ARHGEF3: variants seen among roughly 807,000 people sequenced by gnomAD.
The protein encoded by ARHGEF3 is Rho guanine nucleotide exchange factor 3.
In ARHGEF3, 28 loss-of-function variants were observed where a neutral mutation model predicts 63.2. The observed-to-expected ratio is 0.44, with a 90% CI of 0.33 to 0.61. The LOEUF is 0.61. Ranked by LOEUF, ARHGEF3 falls within the 20% of genes least tolerant of loss-of-function variation. The probability of loss-of-function intolerance (pLI) is 0.03; values close to 1 mark genes in which losing one functional copy is unlikely to be tolerated. For missense variants in ARHGEF3, 533 were observed against 659.3 expected, an observed-to-expected ratio of 0.81 and a Z score of 2.10; for synonymous variants, 266 against 254.2, an observed-to-expected ratio of 1.05 and a Z score of -0.44.
intron 4 of ARHGEF3, among the ~76,000 whole-genome samples, chr3:56,827,004 A>T (rs1401675566): frequency 6.6e-6 from 1 of 152,182 alleles, no homozygotes; most frequent in Non-Finnish European, 1.5e-5. Context: ...TGTAAATATG[A>T]AAACATAAAA....
intron 2 of ARHGEF3, among the ~76,000 whole-genome samples, chr3:57,012,173 CACAATA>C (rs1290465476): frequency 2.0e-5 from 3 of 152,194 alleles, no homozygotes; most frequent in Non-Finnish European, 2.9e-5. Context: ...ACAATGCAAT[CACAATA>C]ACAATATTAA....
At chr3:56,827,372 G>A (rs2038759868) in intron 4 of ARHGEF3, among the ~76,000 whole-genome samples, 1 of 152,140 alleles carries the variant, frequency 6.6e-6, no homozygotes, top group South Asian at 2.1e-4. Flanking sequence ...AGAGATAGCA[G>A]GGTGTTTATG....
rs1431229067 is a variant in ARHGEF3, at chr3:56,920,869, G to A, written c.129+37954C>T. 4.6e-5 allele frequency among the ~76,000 whole-genome samples: 7 copies of A among 152,064 alleles called. No homozygotes were observed. In the East Asian group the frequency reaches 1.2e-3, roughly 25 times the overall value. On this transcript the variant is annotated intron_variant, in intron 3 of 12. Transcript: ENST00000338458. ...AGATCAAGATCATCCTGGCTAACGT[G>A]GTGAAACCCTGTCTCTACTAAAAAT...
intron 4 of ARHGEF3, among the ~76,000 whole-genome samples, chr3:56,842,490 T>C (rs2039346546): frequency 6.6e-6 from 1 of 152,222 alleles, no homozygotes; most frequent in African/African-American, 2.4e-5. Flanking sequence ...CCCAGCTGAA[T>C]TAATCAGCCT....
chr3:57,014,632 AG>A (rs1362220719), intron 2 of ARHGEF3, among the ~76,000 whole-genome samples: 2 of 152,110 alleles, frequency 1.3e-5, no homozygotes, highest in African/African-American at 4.8e-5. Context: ...ACAGATTAAC[AG>A]TTAACATAGA....
At chr3:56,740,418 C>T (rs540394663) in intron 7 of ARHGEF3, among the ~76,000 whole-genome samples, 1 of 152,236 alleles carries the variant, frequency 6.6e-6, no homozygotes, top group South Asian at 2.1e-4. Context: ...TAGCAGAACA[C>T]TTTGGTATAC....
intron 3 of ARHGEF3, among the ~76,000 whole-genome samples, chr3:56,933,346 C>A (rs1212155384): frequency 4.6e-5 from 7 of 151,810 alleles, no homozygotes; most frequent in African/African-American, 1.7e-4. Flanking sequence ...TCTTCCATAA[C>A]CTAGAGTCTG....
intron 4 of ARHGEF3, among the ~76,000 whole-genome samples, chr3:56,846,175 T>C (rs1188515840): frequency 6.6e-6 from 1 of 152,214 alleles, no homozygotes; most frequent in Non-Finnish European, 1.5e-5. Context: ...TTTGGGTCCA[T>C]AACAATTCCT....
At chr3:56,737,099 G>A (rs543519527) in intron 8 of ARHGEF3, 86 bp downstream of exon 8, 45 of 1,380,672 alleles carry the variant, frequency 3.3e-5, no homozygotes, top group Non-Finnish European at 4.2e-5. Flanking sequence ...CCTAGATAGG[G>A]AAGAAATTCT....
intron 1 of ARHGEF3, among the ~76,000 whole-genome samples, chr3:56,795,881 G>A (rs933782164): frequency 1.6e-4 from 24 of 151,246 alleles, no homozygotes; most frequent in Non-Finnish European, 2.2e-4. Context: ...CTCGTGATCC[G>A]ACCACCTCAG....
At chr3:56,895,960 T>C (rs1578785349) in intron 3 of ARHGEF3, among the ~76,000 whole-genome samples, 2 of 152,130 alleles carry the variant, frequency 1.3e-5, no homozygotes, top group South Asian at 4.1e-4. Flanking sequence ...GCCTTAGGAA[T>C]TGTGCCTCAG....
intron 2 of ARHGEF3, among the ~76,000 whole-genome samples, chr3:56,980,585 A>G (rs1701289254): frequency 6.6e-6 from 1 of 152,250 alleles, no homozygotes; most frequent in South Asian, 2.1e-4. Flanking sequence ...AGTACCCATA[A>G]TGAGTACAAT....
rs141914259 is a variant in ARHGEF3 at position 57,048,085 on chromosome 3, C to T, written c.-27-12909G>A. ...GCCCCTTCCTGCTGGCCCAGACACG[C>T]GCTGGCCTTCAGAGGATCCAGGTCT... On this transcript the variant is annotated intron_variant, in intron 1 of 12. Transcript: ENST00000338458. 2.2e-3 allele frequency among the ~76,000 whole-genome samples: 335 copies of T among 152,248 alleles called. 3 individuals carry two copies. The highest frequency in any genetic ancestry group is 0.01 in the Middle Eastern group (3 of 294).
At chr3:56,827,217 C>G (rs2038752033) in intron 4 of ARHGEF3, among the ~76,000 whole-genome samples, 1 of 152,118 alleles carries the variant, frequency 6.6e-6, no homozygotes, top group African/African-American at 2.4e-5. Context: ...ATAGTTACAA[C>G]TCGTATCCAT....
intron 2 of ARHGEF3, among the ~76,000 whole-genome samples, chr3:57,014,588 T>C (rs1385691310): frequency 2.0e-5 from 3 of 152,270 alleles, no homozygotes; most frequent in African/African-American, 4.8e-5. Flanking sequence ...TATTTCTTTA[T>C]AGTTTTCTAA....
intron 1 of ARHGEF3, among the ~76,000 whole-genome samples, chr3:57,062,403 C>A (rs995081000): frequency 3.9e-5 from 6 of 152,180 alleles, no homozygotes; most frequent in Non-Finnish European, 8.8e-5. Flanking sequence ...ATAGGCCCAG[C>A]CAGGACCACA....
intron 1 of ARHGEF3, among the ~76,000 whole-genome samples, chr3:57,071,659 C>CAAAA (rs34281617): frequency 8.0e-6 from 1 of 124,918 alleles, no homozygotes; most frequent in Non-Finnish European, 1.7e-5. Flanking sequence ...AACTCCATCT[C>CAAAA]AAAAAAAAAA....
At chr3:57,031,964 C>T (rs759971432) in intron 2 of ARHGEF3, among the ~76,000 whole-genome samples, 2 of 152,136 alleles carry the variant, frequency 1.3e-5, no homozygotes, top group African/African-American at 2.4e-5. Flanking sequence ...ATTTTTATGT[C>T]TCTGAAATAT....
intron 3 of ARHGEF3, among the ~76,000 whole-genome samples, chr3:56,955,901 C>T (rs1455269292): frequency 6.6e-6 from 1 of 152,240 alleles, no homozygotes; most frequent in East Asian, 1.9e-4. Flanking sequence ...CTGTGGATTA[C>T]ACTCTGAGGC....
Sources: gnomAD v4.1 joint callset for allele counts (sites outside exome capture counted in the v4.1 genomes callset) on GRCh38, gnomAD v4.1.1 for gene constraint, MANE v1.5 for transcripts, NCBI Gene and HGNC (gene_info 2026-07-23, HGNC 2026-07-21) for gene names.